The following SFMBT2 variants were observed in gnomAD, a reference collection of about 807,000 sequenced individuals.
SFMBT2 encodes the protein scm-like with four MBT domains protein 2.
In SFMBT2, 38 loss-of-function variants were observed where a neutral mutation model predicts 110.1. The ratio of observed to expected loss-of-function variants is 0.35; its 90% CI spans 0.27 to 0.45. The LOEUF (loss-of-function observed/expected upper bound fraction) is 0.45. Ranked by LOEUF, SFMBT2 falls within the 20% of genes least tolerant of loss-of-function variation. The probability of loss-of-function intolerance (pLI) is 1.00; values close to 1 mark genes in which losing one functional copy is unlikely to be tolerated. For synonymous variants in SFMBT2, 425 were observed against 425.4 expected, an observed-to-expected ratio of 1.00 and a Z score of 0.01; for missense variants, 1,011 against 1,094.9, an observed-to-expected ratio of 0.92 and a Z score of 1.08.
At chr10:7,347,806 A>C (rs567239172) in intron 4 of SFMBT2, among the ~76,000 whole-genome samples, 2 of 152,336 alleles carry the variant, frequency 1.3e-5, no homozygotes, top group East Asian at 3.9e-4. Context: ...TTTAATTGAC[A>C]CTTATTTGCT....
intron 4 of SFMBT2, among the ~76,000 whole-genome samples, chr10:7,300,410 T>C (rs910941782): frequency 7.9e-5 from 12 of 152,146 alleles, no homozygotes; most frequent in African/African-American, 2.7e-4. Context: ...ACTCCCACTC[T>C]CATTTCATGG....
At chr10:7,244,128 C>T in intron 8 of SFMBT2, 1 of 440,532 alleles carries the variant, frequency 2.3e-6, no homozygotes, top group Non-Finnish European at 3.0e-6. Context: ...TCAAGAATCT[C>T]CAAGATCTGG....
intron 14 of SFMBT2, among the ~76,000 whole-genome samples, chr10:7,199,717 C>T (rs769588485): frequency 6.6e-6 from 1 of 152,186 alleles, no homozygotes; most frequent in African/African-American, 2.4e-5. Context: ...TTAGTTAAAG[C>T]TACTTATAAA....
chr10:7,284,262 G>A (rs1053785871), intron 5 of SFMBT2, 112 bp from the exon 6 acceptor site: 147 of 1,509,406 alleles, frequency 9.7e-5, no homozygotes, highest in Non-Finnish European at 1.1e-4. Context: ...AGGTACTGGC[G>A]AACAGTCTGG....
chr10:7,240,520 T>C (rs1479094597), intron 9 of SFMBT2, among the ~76,000 whole-genome samples: 1 of 152,168 alleles, frequency 6.6e-6, no homozygotes, highest in Non-Finnish European at 1.5e-5. Context: ...TAAGGGGAAA[T>C]TTCCAGAAGT....
chr10:7,228,723 CTTTCTTTCTTTCCTTTCTCTCTCT>C (rs1427673498), intron 9 of SFMBT2, among the ~76,000 whole-genome samples: 1 of 115,162 alleles, frequency 8.7e-6, no homozygotes, highest in African/African-American at 4.1e-5. Flanking sequence ...TTCTTTCTTT[CTTTCTTTCTTTCCTTTCTCTCTCT>C]CTCTCTCTCT....
chr10:7,178,022 G>A (rs564907498), intron 16 of SFMBT2, among the ~76,000 whole-genome samples: 9 of 152,212 alleles, frequency 5.9e-5, no homozygotes, highest in Non-Finnish European at 1.0e-4. Flanking sequence ...TTGGACTTTA[G>A]GCCTCCAGAG....
At chr10:7,197,458 C>A in intron 15 of SFMBT2, 90 bp downstream of exon 15, 1 of 1,526,154 alleles carries the variant, frequency 6.6e-7, no homozygotes. Flanking sequence ...GAACTGCTTC[C>A]AATGCCTATT....
chr10:7,210,250 G>A (rs1007775736), intron 11 of SFMBT2, among the ~76,000 whole-genome samples: 2 of 152,308 alleles, frequency 1.3e-5, no homozygotes, highest in Admixed American at 6.5e-5. Flanking sequence ...GCCCCAGGAT[G>A]AAAAAGGGAG....
At chr10:7,365,966 C>T (rs1844883873) in intron 4 of SFMBT2, among the ~76,000 whole-genome samples, 1 of 152,042 alleles carries the variant, frequency 6.6e-6, no homozygotes, top group African/African-American at 2.4e-5. Flanking sequence ...TATGGCACGT[C>T]AATTAGATCT....
chr10:7,176,019 T>C lies in SFMBT2; in HGVS notation c.1955A>G (p.Asn652Ser), dbSNP rs1185425265. The change falls in exon 17 of 21, where the codon AAC (asparagine) becomes AGC (serine). Residue 652 changes from asparagine to serine, a missense_variant. By Grantham distance (46) the Asn-to-Ser change is conservative (BLOSUM62 1). This residue lies in a region of SFMBT2 where 979 missense variants were observed against 1,016.1 expected (regional missense o/e 0.96). Coordinates refer to ENST00000397167, the MANE Select transcript of SFMBT2 (RefSeq NM_001387889.1). ...TTTGGTTTTGGTATGAATGGAGCAGTTCTCTGGGCAGTTTTCAGATATCAG... is the reference window on the plus strand; with the variant it reads ...TTTGGTTTTGGTATGAATGGAGCAGCTCTCTGGGCAGTTTTCAGATATCAG... ...PVLISENCPE[N>S]CSIHTKTKYT... is the part of the protein sequence containing the mutation. 6 of 1,614,092 alleles carry C rather than the reference T, an allele frequency of 3.7e-6. No homozygotes were observed. In the South Asian group the frequency reaches 5.5e-5, roughly 15 times the overall value.
At chr10:7,176,929 A>AAAGGAAAAGGC (rs1169050043) in intron 16 of SFMBT2, among the ~76,000 whole-genome samples, 75 of 152,236 alleles carry the variant, frequency 4.9e-4, no homozygotes, top group African/African-American at 1.8e-3. Flanking sequence ...AGGCTGCTGT[A>AAAGGAAAAGGC]TCTCTCAAGT....
At chr10:7,282,250 T>C (rs999426224) in intron 6 of SFMBT2, among the ~76,000 whole-genome samples, 1 of 152,034 alleles carries the variant, frequency 6.6e-6, no homozygotes, top group African/African-American at 2.4e-5. Flanking sequence ...CATAAGCGAG[T>C]ATTTCCTAAG....
At chr10:7,370,739 A>G in intron 2 of SFMBT2, 1 of 690,974 alleles carries the variant, frequency 1.4e-6, no homozygotes, top group Non-Finnish European at 1.8e-6. Context: ...AGGCGAAGGA[A>G]CCCATCGTGC....
At chr10:7,379,205 C>G (rs139619369) in intron 2 of SFMBT2, among the ~76,000 whole-genome samples, 446 of 152,238 alleles carry the variant, frequency 2.9e-3, no homozygotes, top group Admixed American at 0.015. Context: ...TCCTCCTGTA[C>G]GTGGGATGAG....
chr10:7,359,054 G>A (rs1372066075), intron 4 of SFMBT2, among the ~76,000 whole-genome samples: 3 of 152,204 alleles, frequency 2.0e-5, no homozygotes, highest in Non-Finnish European at 2.9e-5. Context: ...TCAGTGGCAC[G>A]AAGAAGAGTG....
chr10:7,265,277 C>T (rs1841347268), intron 7 of SFMBT2, among the ~76,000 whole-genome samples: 1 of 151,864 alleles, frequency 6.6e-6, no homozygotes, highest in Admixed American at 6.6e-5. Context: ...TCTCAGCTCA[C>T]TGCAACCTCC....
intron 15 of SFMBT2, among the ~76,000 whole-genome samples, chr10:7,197,141 A>C (rs183361858): frequency 6.6e-6 from 1 of 151,966 alleles, no homozygotes; most frequent in Non-Finnish European, 1.5e-5. Context: ...AAGGAGCGCC[A>C]TTCTCGGTGA....
chr10:7,309,557 T>C (rs1201185996), intron 4 of SFMBT2, among the ~76,000 whole-genome samples: 2 of 152,168 alleles, frequency 1.3e-5, no homozygotes, highest in Non-Finnish European at 2.9e-5. Context: ...TAGGAAAAGC[T>C]GTCTGTCCCT....
Sources: allele counts gnomAD v4.1 joint callset (sites outside exome capture counted in the v4.1 genomes callset), GRCh38; gene constraint gnomAD v4.1.1; regional missense constraint gnomAD v4.1.1; transcripts MANE v1.5; gene names NCBI Gene and HGNC (gene_info 2026-07-23, HGNC 2026-07-21).